Variants in UBE2L3 observed in about 807,000 individuals in gnomAD.
UBE2L3 encodes ubiquitin-conjugating enzyme E2 L3.
A neutral mutation model predicts 17.8 loss-of-function variants in UBE2L3; 1 was observed. That is an observed-to-expected ratio of 0.06 (90% CI 0.02 to 0.27). The LOEUF is 0.27. Ranked by LOEUF, UBE2L3 falls within the 10% of genes least tolerant of loss-of-function variation. UBE2L3 has a pLI of 1.00. For synonymous variants in UBE2L3, 44 were observed against 68.5 expected (o/e 0.64, Z 1.76); for missense variants, 40 against 192.6 (o/e 0.21, Z 4.69).
intron 1 of UBE2L3, among the ~76,000 whole-genome samples, chr22:21,554,355 T>A (rs5754058): frequency 6.3e-5 from 3 of 47,440 alleles, no homozygotes; most frequent in East Asian, 2.9e-4. Context: ...AAATTAAAAT[T>A]AAAAAAAGAG....
intron 1 of UBE2L3, among the ~76,000 whole-genome samples, chr22:21,557,528 CTT>C (rs57916361): frequency 1.0e-4 from 15 of 149,564 alleles, no homozygotes; most frequent in Non-Finnish European, 3.0e-5. Context: ...CAGATCTACT[CTT>C]TTTTTTTTTT....
intron 2 of UBE2L3, among the ~76,000 whole-genome samples, chr22:21,605,524 A>C (rs990103178): frequency 6.0e-5 from 9 of 150,348 alleles, no homozygotes; most frequent in Non-Finnish European, 4.4e-5. Flanking sequence ...TTTCTTTTTG[A>C]GATGGATTTT....
At chr22:21,609,019 T>G (rs1411987086) in intron 2 of UBE2L3, among the ~76,000 whole-genome samples, 1 of 151,942 alleles carries the variant, frequency 6.6e-6, no homozygotes, top group Non-Finnish European at 1.5e-5. Flanking sequence ...CTCAGCCTCC[T>G]GAGTAGCTGG....
intron 3 of UBE2L3, among the ~76,000 whole-genome samples, chr22:21,612,427 G>T (rs893772786): frequency 6.6e-6 from 1 of 151,902 alleles, no homozygotes; most frequent in Admixed American, 6.6e-5. Context: ...CCGAGTTCGC[G>T]CCATTCTCCT....
At chr22:21,563,498 G>T (rs1926523329), upstream of UBE2L3, among the ~76,000 whole-genome samples, 1 of 147,336 alleles carries the variant, frequency 6.8e-6, no homozygotes, top group Non-Finnish European at 1.5e-5. Context: ...GGAGGCGGAG[G>T]TTGCAGTGAG....
At chr22:21,606,098 A>T (rs1036014931) in intron 2 of UBE2L3, among the ~76,000 whole-genome samples, 1 of 152,020 alleles carries the variant, frequency 6.6e-6, no homozygotes, top group East Asian at 1.9e-4. Flanking sequence ...ACATTCTCAG[A>T]CTCTTTAAGC....
intron 2 of UBE2L3, among the ~76,000 whole-genome samples, chr22:21,603,497 T>G (rs1928973964): frequency 7.5e-6 from 1 of 133,754 alleles, no homozygotes; most frequent in African/African-American, 2.9e-5. Context: ...GCCATTGCAC[T>G]CCTGCCTGGG....
chr22:21,598,980 C>T (rs556123047), intron 2 of UBE2L3, among the ~76,000 whole-genome samples: 1 of 152,172 alleles, frequency 6.6e-6, no homozygotes, highest in South Asian at 2.1e-4. Flanking sequence ...GCTGGGGCTA[C>T]AGGCATACAC....
chr22:21,568,179 C>T, intron 1 of UBE2L3: 1 of 999,984 alleles, frequency 1.0e-6, no homozygotes, highest in Non-Finnish European at 1.2e-6. Context: ...CGCCGCGGAA[C>T]CGCCCCGCCC....
chr22:21,572,621 G>A (rs1261306193), intron 1 of UBE2L3, among the ~76,000 whole-genome samples: 1 of 152,106 alleles, frequency 6.6e-6, no homozygotes, highest in African/African-American at 2.4e-5. Context: ...TGCTACAGCA[G>A]TAAATGTGAG....
rs576948134 is a variant in UBE2L3 at position 21,568,161 on chromosome 22, G to T, written c.27+390G>T. On this transcript the variant is annotated intron_variant, in intron 1 of 3. Coordinates refer to ENST00000342192, the MANE Select transcript of UBE2L3 (RefSeq NM_003347.4). ...GGCCCGAGCGCCGGAGCCCCTGCCCGGAGCCCGCGCCGCGGAACCGCCCCG... is the reference window on the plus strand; with the variant it reads ...GGCCCGAGCGCCGGAGCCCCTGCCCTGAGCCCGCGCCGCGGAACCGCCCCG... 1.7e-4 allele frequency: 169 copies of T among 1,012,796 alleles called. No individual in the cohort carries two copies. The African/African-American group carries it at 2.6e-3, about 16-fold the overall frequency. The allele number at this position is 1,012,796 out of a possible 1,614,324, so 62.7% of individuals were successfully genotyped here.
intron 1 of UBE2L3, among the ~76,000 whole-genome samples, chr22:21,572,327 C>A (rs1209065835): frequency 7.0e-6 from 1 of 143,052 alleles, no homozygotes; most frequent in African/African-American, 2.6e-5. Flanking sequence ...CCCAGCTACT[C>A]GGGAGGCTGA....
At chr22:21,609,754 A>T (rs1929377158) in intron 2 of UBE2L3, among the ~76,000 whole-genome samples, 2 of 152,128 alleles carry the variant, frequency 1.3e-5, no homozygotes, top group Admixed American at 1.3e-4. Context: ...GGCTGGGCAC[A>T]GTGGCTCACG....
At chr22:21,576,528 GAC>G (rs1186093692) in intron 1 of UBE2L3, among the ~76,000 whole-genome samples, 1 of 152,046 alleles carries the variant, frequency 6.6e-6, no homozygotes, top group South Asian at 2.1e-4. Context: ...TCGATCTCCT[GAC>G]CTTATGATCC....
At chr22:21,607,318 C>G (rs1363738586) in intron 2 of UBE2L3, among the ~76,000 whole-genome samples, 1 of 151,372 alleles carries the variant, frequency 6.6e-6, no homozygotes, top group African/African-American at 2.4e-5. Flanking sequence ...ACCAGGCTGG[C>G]CAACATGGTG....
intron 2 of UBE2L3, among the ~76,000 whole-genome samples, chr22:21,600,040 G>C (rs562967240): frequency 6.6e-6 from 1 of 152,094 alleles, no homozygotes; most frequent in Admixed American, 6.5e-5. Flanking sequence ...GGCCGGGCGC[G>C]GTGGCTCATG....
intron 1 of UBE2L3, among the ~76,000 whole-genome samples, chr22:21,562,670 C>CTTTTTTTTT (rs131653): frequency 6.9e-4 from 73 of 105,216 alleles, no homozygotes; most frequent in Non-Finnish European, 9.1e-4. Flanking sequence ...CACGCCTGGG[C>CTTTTTTTTT]TTTTTTTTTT....
intron 1 of UBE2L3, among the ~76,000 whole-genome samples, chr22:21,584,689 C>T (rs368265413): frequency 1.3e-5 from 2 of 150,778 alleles, no homozygotes; most frequent in East Asian, 2.1e-4. Context: ...GCTTCGGCAA[C>T]CCAAAGTGCT....
chr22:21,589,941 C>T (rs1407872462), intron 1 of UBE2L3, among the ~76,000 whole-genome samples: 1 of 152,100 alleles, frequency 6.6e-6, no homozygotes, highest in Non-Finnish European at 1.5e-5. Flanking sequence ...TCTTTCTGGC[C>T]AGGTGTGTGG....
Sources: allele counts gnomAD v4.1 joint callset (sites outside exome capture counted in the v4.1 genomes callset), GRCh38; gene constraint gnomAD v4.1.1; transcripts MANE v1.5; gene names NCBI Gene and HGNC (gene_info 2026-07-23, HGNC 2026-07-21).